Variants in RBPJ observed in about 807,000 individuals in gnomAD.
The protein encoded by RBPJ is recombination signal binding protein for immunoglobulin kappa J region.
A neutral mutation model predicts 67.8 loss-of-function variants in RBPJ; 9 were observed. That is an observed-to-expected ratio of 0.13 (90% CI 0.08 to 0.23). RBPJ has a LOEUF of 0.23. Ranked by LOEUF, RBPJ falls within the 10% of genes least tolerant of loss-of-function variation. RBPJ has a pLI of 1.00. For missense variants in RBPJ, 305 were observed against 595.6 expected (o/e 0.51, Z 5.08); for synonymous variants, 198 against 203.3 (o/e 0.97, Z 0.22).
At chr4:26,363,539 A>G (rs929672714) in intron 1 of RBPJ, among the ~76,000 whole-genome samples, 7 of 152,266 alleles carry the variant, frequency 4.6e-5, no homozygotes, top group Non-Finnish European at 8.8e-5. Context: ...CCTGGGTTCA[A>G]GCAATTCTCC....
At chr4:26,390,831 G>T (rs936427647) in intron 2 of RBPJ, among the ~76,000 whole-genome samples, 3 of 152,136 alleles carry the variant, frequency 2.0e-5, no homozygotes, top group Admixed American at 6.5e-5. Flanking sequence ...AAGGTGTGAG[G>T]ATCACTTAAG....
At chr4:26,220,437 G>A (rs1718864128) in intron 1 of RBPJ, among the ~76,000 whole-genome samples, 1 of 152,006 alleles carries the variant, frequency 6.6e-6, no homozygotes, top group Admixed American at 6.5e-5. Context: ...ATACCTACTG[G>A]GCTCCTACAA....
chr4:26,135,904 C>T, the RBPJ span, among the ~76,000 whole-genome samples: 12 of 152,188 alleles, frequency 7.9e-5, 1 homozygote, highest in South Asian at 1.5e-3. Context: ...TCTGTTCTTA[C>T]GCTACCAATA....
chr4:26,299,849 T>C (rs561366298), intron 1 of RBPJ, among the ~76,000 whole-genome samples: 1 of 152,014 alleles, frequency 6.6e-6, no homozygotes, highest in Non-Finnish European at 1.5e-5. Context: ...TGACTAATTT[T>C]TTTTTTTGTT....
intron 1 of RBPJ, among the ~76,000 whole-genome samples, chr4:26,296,437 G>C (rs1370419814): frequency 6.6e-6 from 1 of 152,166 alleles, no homozygotes; most frequent in Non-Finnish European, 1.5e-5. Context: ...TTAAGTTAGG[G>C]TGATATTAAT....
Position 26,270,439 on chromosome 4 carries a change from A to G in RBPJ, c.-166-92007A>G, listed in dbSNP as rs1054987177. 3.0e-5 allele frequency among the ~76,000 whole-genome samples: 3 copies of G among 100,342 alleles called. 1 individual carries two copies. The East Asian group carries it at 7.4e-4, about 25-fold the overall frequency. The allele number at this position is 100,342 out of a possible 152,430, so 65.8% of individuals were successfully genotyped here. ...AAAGAAAGAAAGAAAGAAAGAAAGA[A>G]GAAAGAAAGAAAGAAAGAAAAGAAA... On this transcript the variant is annotated intron_variant, in intron 1 of 4. Transcript: ENST00000512351.
chr4:26,142,197 C>T, the RBPJ span, among the ~76,000 whole-genome samples: 39 of 152,332 alleles, frequency 2.6e-4, no homozygotes, highest in African/African-American at 8.9e-4. Context: ...TAGTCACCAA[C>T]TTGAATCTTC....
In RBPJ at chr4:26,431,016, T is replaced by C. The variant is rs1371501612; in HGVS notation, c.*9T>C. 2.5e-6 allele frequency: 4 copies of C among 1,609,304 alleles called. No individual in the cohort carries two copies. The highest frequency in any genetic ancestry group is 1.1e-5 in the South Asian group (1 of 90,962). ...CCACAGTGGTATCCTAACTACCGTC[T>C]TTTTGCTAGGACTTAAACTGACTTG... is the stretch of plus-strand genomic sequence containing the variant. On this transcript the variant is annotated 3_prime_UTR_variant, in exon 11 of 11. Coordinates refer to ENST00000355476, the MANE Select transcript of RBPJ (RefSeq NM_015874.6).
At chr4:26,176,170 T>G (rs983856998) in intron 1 of RBPJ, among the ~76,000 whole-genome samples, 1 of 152,238 alleles carries the variant, frequency 6.6e-6, no homozygotes, top group Non-Finnish European at 1.5e-5. Flanking sequence ...TATCTAACAT[T>G]TCAGTTTAAC....
chr4:26,179,462 T>C (rs1329639703), intron 1 of RBPJ, among the ~76,000 whole-genome samples: 1 of 151,490 alleles, frequency 6.6e-6, no homozygotes, highest in Non-Finnish European at 1.5e-5. Flanking sequence ...ATTCCTAGAG[T>C]AATATGAATA....
intron 2 of RBPJ, among the ~76,000 whole-genome samples, chr4:26,404,137 C>CT (rs34480887): frequency 0.5 from 76,146 of 151,960 alleles, 20,286 homozygotes; most frequent in Admixed American, 0.62. Flanking sequence ...TGATACTGAG[C>CT]TTTTTTTCAT....
intron 1 of RBPJ, among the ~76,000 whole-genome samples, chr4:26,174,851 G>A (rs187941013): frequency 6.9e-4 from 105 of 152,116 alleles, no homozygotes; most frequent in Non-Finnish European, 1.1e-3. Flanking sequence ...ACACATATAT[G>A]TACACATATA....
At chr4:26,163,609 A>G (rs1209493085) in exon 1 of RBPJ, 1 of 152,216 alleles carries the variant, frequency 6.6e-6, no homozygotes, top group Non-Finnish European at 1.5e-5. Flanking sequence ...ATCCAGCATC[A>G]TTGAGGTAAG....
Position 26,366,040 on chromosome 4 carries a change from C to G in RBPJ, c.21-20313C>G, listed in dbSNP as rs562160146. On this transcript the variant is annotated intron_variant, in intron 1 of 10. Coordinates refer to ENST00000355476, the MANE Select transcript of RBPJ (RefSeq NM_015874.6). ...GCTGCCTCCCGTGAACCCCCTACCC[C>G]CTAATGAAACAGAAAAGAACAAAAT... is the stretch of plus-strand genomic sequence containing the variant. Among the ~76,000 whole-genome samples the G allele has an allele frequency of 2.8e-4, 42 of 152,186 alleles. 1 individual carries two copies. The highest frequency in any genetic ancestry group is 1.2e-4 in the Non-Finnish European group (8 of 68,038).
chr4:26,141,916 A>C, the RBPJ span, among the ~76,000 whole-genome samples: 6 of 152,236 alleles, frequency 3.9e-5, no homozygotes, highest in African/African-American at 1.4e-4. Flanking sequence ...ACACCATCCA[A>C]ATAAGGCAAA....
chr4:26,334,885 T>C (rs1052627686), intron 1 of RBPJ, among the ~76,000 whole-genome samples: 3 of 152,238 alleles, frequency 2.0e-5, no homozygotes, highest in South Asian at 2.1e-4. Flanking sequence ...ATCTTAAGTA[T>C]TGTGATTTGC....
intron 1 of RBPJ, among the ~76,000 whole-genome samples, chr4:26,218,772 C>T (rs1234975760): frequency 1.3e-5 from 2 of 151,846 alleles, no homozygotes; most frequent in Non-Finnish European, 2.9e-5. Context: ...GAAAATAAGC[C>T]GTGGCTGGGT....
the RBPJ span, among the ~76,000 whole-genome samples, chr4:26,148,326 A>G: frequency 6.6e-6 from 1 of 152,244 alleles, no homozygotes; most frequent in Non-Finnish European, 1.5e-5. Flanking sequence ...TCAGGCAGGC[A>G]GGTGGCTATG....
the RBPJ span, chr4:26,111,997 G>C: frequency 5.3e-6 from 1 of 188,316 alleles, no homozygotes; most frequent in Non-Finnish European, 1.2e-5. Context: ...CAGCAATCTG[G>C]TCTCAGCCAG....
Sources: allele counts gnomAD v4.1 joint callset (sites outside exome capture counted in the v4.1 genomes callset), GRCh38; gene constraint gnomAD v4.1.1; transcripts MANE v1.5; gene names NCBI Gene and HGNC (gene_info 2026-07-23, HGNC 2026-07-21).